ICMT: variants seen among roughly 807,000 people sequenced by gnomAD.
ICMT encodes the protein isoprenylcysteine carboxyl methyltransferase.
ICMT carries 10 observed loss-of-function variants against 32.2 expected under a neutral mutation model. That is an observed-to-expected ratio of 0.31 (90% confidence interval 0.19 to 0.53). The LOEUF (loss-of-function observed/expected upper bound fraction) is 0.53. Ranked by LOEUF, ICMT falls within the 20% of genes least tolerant of loss-of-function variation. ICMT has a pLI of 0.96. For missense variants in ICMT, 265 were observed against 356.9 expected, an observed-to-expected ratio of 0.74 and a Z score of 2.07; for synonymous variants, 183 against 158.2, an observed-to-expected ratio of 1.16 and a Z score of -1.18.
intron 2 of ICMT, among the ~76,000 whole-genome samples, chr1:6,234,074 C>G (rs896569033): frequency 6.6e-6 from 1 of 152,110 alleles, no homozygotes; most frequent in Admixed American, 6.5e-5. Context: ...GTCTCGAACT[C>G]CTGGCTTGGC....
At chr1:6,234,624 C>G in intron 2 of ICMT, 3 of 530,952 alleles carry the variant, frequency 5.7e-6, no homozygotes, top group South Asian at 1.8e-5. Flanking sequence ...TTACGGAATG[C>G]TGTCACCACA....
intron 4 of ICMT, among the ~76,000 whole-genome samples, chr1:6,228,631 C>G (rs1309161754): frequency 6.6e-6 from 1 of 151,868 alleles, no homozygotes; most frequent in African/African-American, 2.4e-5. Flanking sequence ...CATGAGCCAC[C>G]ATGCCCGGCC....
In ICMT at chr1:6,227,051, T is replaced by G. The variant is rs981589131; in HGVS notation, c.673-1789A>C. Among the ~76,000 whole-genome samples the G allele has an allele frequency of 4.9e-4, 74 of 152,248 alleles. 3 individuals carry two copies. Among genetic ancestry groups the G allele is most frequent in the Non-Finnish European group, 2.9e-5 (2 of 68,048 alleles). On this transcript the variant is annotated intron_variant, in intron 4 of 4. Coordinates refer to ENST00000343813, the MANE Select transcript of ICMT (RefSeq NM_012405.4). Reference sequence around the variant, plus strand: ...AGCCTGTTACTAAGCCATGAAATCATTTAGTACATTATGAACAGTATTGAA... The same window carrying G: ...AGCCTGTTACTAAGCCATGAAATCAGTTAGTACATTATGAACAGTATTGAA...
intron 4 of ICMT, among the ~76,000 whole-genome samples, chr1:6,226,073 T>A (rs1024333461): frequency 2.0e-5 from 3 of 152,186 alleles, no homozygotes; most frequent in African/African-American, 7.2e-5. Flanking sequence ...CAAGCTGGTC[T>A]CGAACTCCTG....
At position 6,221,335 on chromosome 1, in the gene ICMT, G is replaced by C. The variant is rs1479584089; in HGVS notation, c.*3745C>G. The C allele has an allele frequency of 6.6e-6, 1 of 152,646 alleles. No homozygotes were observed. Among genetic ancestry groups the C allele is most frequent in the Non-Finnish European group, 1.5e-5 (1 of 68,050 alleles). The allele number at this position is 152,646 out of a possible 1,614,324, so 9.5% of individuals were successfully genotyped here. A position where few individuals can be genotyped will look rare whatever the true frequency, so the allele number is the denominator to read the frequency against. On this transcript the variant is annotated 3_prime_UTR_variant, in exon 5 of 5. Transcript: ENST00000343813. ...ATTACTCCGTTCAGTTCCTCTCCTT[G>C]CAATGGGATAGGCTGCCTCTGCTGC...
In ICMT at chr1:6,235,761, GC is replaced by G; in HGVS notation, c.150del (p.Leu51SerfsTer16). ...TAGAGCAGCAGCAGCAGCGCGTTGA[GC>G]CCGGCCACGTAGAGCGCCAGCCCGG... is the stretch of plus-strand genomic sequence containing the variant. ...GRTGLALYVAGLNALLLLLYR... is the reference protein window; with the variant it reads ...GRTGLALYVAXLNALLLLLYR... On this transcript the variant is annotated frameshift_variant, in exon 1 of 5. Coordinates refer to ENST00000343813, the MANE Select transcript of ICMT (RefSeq NM_012405.4). LOFTEE classifies it high-confidence loss of function. 1 of 1,341,704 alleles carries G rather than the reference GC, an allele frequency of 7.5e-7. No homozygotes were observed. The highest frequency in any genetic ancestry group is 9.6e-7 in the Non-Finnish European group (1 of 1,036,928). 83.1% of individuals were successfully genotyped at this position (1,341,704 alleles called of 1,614,324 possible). A position where few individuals can be genotyped will look rare whatever the true frequency, so the allele number is the denominator to read the frequency against.
chr1:6,235,756 G>A lies in ICMT; in HGVS notation c.156C>T (p.Asn52=). ...GCCGATAGAGCAGCAGCAGCAGCGC[G>A]TTGAGCCCGGCCACGTAGAGCGCCA... The part of the protein sequence containing the change: ...TGLALYVAGL[N]ALLLLLYRPP... Residue 52 remains asparagine, a synonymous_variant, in exon 1 of 5, where the codon AAC becomes AAT. Transcript: ENST00000343813. 1 of 1,339,270 alleles carries A rather than the reference G, an allele frequency of 7.5e-7. No homozygotes were observed. The highest frequency in any genetic ancestry group is 9.7e-7 in the Non-Finnish European group (1 of 1,035,764). The allele number at this position is 1,339,270 out of a possible 1,614,324, so 83.0% of individuals were successfully genotyped here.
chr1:6,235,602 G>A (rs1668810595), intron 1 of ICMT, 115 bp downstream of exon 1: 2 of 674,290 alleles, frequency 3.0e-6, no homozygotes, highest in Non-Finnish European at 3.9e-6. Context: ...ACTCGCGGAT[G>A]AAGAGCGCGC....
chr1:6,235,926 G>T lies in ICMT; in HGVS notation c.-15C>A, dbSNP rs1413342828. On this transcript the variant is annotated 5_prime_UTR_variant, in exon 1 of 5. Transcript: ENST00000343813. Reference sequence around the variant, plus strand: ...CAGCCCGCCATGGCGCCGGGCGGCGGACTAGCGGGCGGCGGCGCCGGCTGT... The same window carrying T: ...CAGCCCGCCATGGCGCCGGGCGGCGTACTAGCGGGCGGCGGCGCCGGCTGT... 1 of 1,106,500 alleles carries T rather than the reference G, an allele frequency of 9.0e-7. No homozygotes were observed. Among genetic ancestry groups the T allele is most frequent in the Non-Finnish European group, 1.1e-6 (1 of 908,190 alleles). 68.5% of individuals were successfully genotyped at this position (1,106,500 alleles called of 1,614,324 possible).
At chr1:6,232,270 A>G (rs146178999) in intron 3 of ICMT, 151 bp from the exon 4 acceptor site, 6 of 603,964 alleles carry the variant, frequency 9.9e-6, no homozygotes, top group Middle Eastern at 4.4e-4. Flanking sequence ...TTAAAATTTC[A>G]TAAGAAAACA....
chr1:6,234,790 C>T, intron 2 of ICMT, 96 bp downstream of exon 2: 2 of 927,558 alleles, frequency 2.2e-6, no homozygotes, highest in South Asian at 2.7e-5. Context: ...AGCCTTCTGC[C>T]GGTCACAGAT....
chr1:6,222,057 T>G lies in ICMT; in HGVS notation c.*3023A>C, dbSNP rs1420727096. The G allele has an allele frequency of 1.3e-5, 2 of 152,236 alleles. No homozygotes were observed. Among genetic ancestry groups the G allele is most frequent in the African/African-American group, 2.4e-5 (1 of 41,460 alleles). 9.4% of individuals were successfully genotyped at this position (152,236 alleles called of 1,614,324 possible). A position where few individuals can be genotyped will look rare whatever the true frequency, so the allele number is the denominator to read the frequency against. On this transcript the variant is annotated 3_prime_UTR_variant, in exon 5 of 5. Transcript: ENST00000343813. Reference sequence around the variant, plus strand: ...ACGGGCCCTGCCACTGCTAAATTTATAAAGCTAAAAATAATCTCAAGATCA... The same window carrying G: ...ACGGGCCCTGCCACTGCTAAATTTAGAAAGCTAAAAATAATCTCAAGATCA...
In ICMT at chr1:6,235,698, G is replaced by A; in HGVS notation, c.195+19C>T. On this transcript the variant is annotated intron_variant, in intron 1 of 4. Transcript: ENST00000343813. ...GCCGCCCGCCCCGCCGGCCCCCGCC[G>A]GCCCCCGCCGGCCTGCACCTGGTAG... The A allele has an allele frequency of 1.7e-6, 2 of 1,174,264 alleles. No homozygotes were observed. Among genetic ancestry groups the A allele is most frequent in the South Asian group, 3.6e-5 (1 of 27,756 alleles). The allele number at this position is 1,174,264 out of a possible 1,614,324, so 72.7% of individuals were successfully genotyped here. A position where few individuals can be genotyped will look rare whatever the true frequency, so the allele number is the denominator to read the frequency against.
In ICMT at chr1:6,235,868, C is replaced by T. The variant is rs1668818841; in HGVS notation, c.44G>A (p.Arg15His). The T allele has an allele frequency of 1.7e-6, 2 of 1,208,216 alleles. No homozygotes were observed. Among genetic ancestry groups the T allele is most frequent in the Non-Finnish European group, 1.0e-6 (1 of 968,830 alleles). The allele number at this position is 1,208,216 out of a possible 1,614,324, so 74.8% of individuals were successfully genotyped here. A position where few individuals can be genotyped will look rare whatever the true frequency, so the allele number is the denominator to read the frequency against. ...AARAPPGSEA[R>H]LSLATFLLGA... ...CAGCAGGAAGGTGGCGAGGCTGAGA[C>T]GCGCCTCAGAGCCCGGCGGAGCCCG... The change falls in exon 1 of 5, where the codon CGT (arginine) becomes CAT (histidine). Residue 15 changes from arginine (R) to histidine (H), a missense_variant. Arg to His is a conservative substitution (Grantham distance 29). This residue lies in a region of ICMT where 99 missense variants were observed against 92.6 expected (regional missense o/e 1.07). Coordinates refer to ENST00000343813, the MANE Select transcript of ICMT (RefSeq NM_012405.4).
At chr1:6,231,636 A>G (rs1197265090) in intron 4 of ICMT, among the ~76,000 whole-genome samples, 1 of 152,172 alleles carries the variant, frequency 6.6e-6, no homozygotes, top group African/African-American at 2.4e-5. Flanking sequence ...AAGAATCACC[A>G]AGGACTTACG....
intron 4 of ICMT, among the ~76,000 whole-genome samples, chr1:6,226,533 A>C (rs1668648132): frequency 6.6e-6 from 1 of 152,010 alleles, no homozygotes; most frequent in Non-Finnish European, 1.5e-5. Context: ...TCCCCAACAT[A>C]CATTTTCTGT....
chr1:6,229,167 G>A (rs1306161732), intron 4 of ICMT, among the ~76,000 whole-genome samples: 1 of 152,080 alleles, frequency 6.6e-6, no homozygotes, highest in Admixed American at 6.6e-5. Context: ...GAAAAACCCC[G>A]TCTCTACAAA....
chr1:6,231,170 CA>C (rs779403125), intron 4 of ICMT, among the ~76,000 whole-genome samples: 156 of 132,434 alleles, frequency 1.2e-3, no homozygotes, highest in Non-Finnish European at 1.1e-3. Flanking sequence ...GACTAGGTCT[CA>C]AAAAAAAAAA....
Position 6,234,913 on chromosome 1 carries a change from C to T in ICMT, c.257G>A (p.Ser86Asn). ...VFGCGTLLSF[S>N]QSSWSHFGWY... Reference sequence around the variant, plus strand: ...GCCAAAGTGACTCCAAGAAGACTGGCTAAAACTTAGCAGCGTGCCGCAGCC... The same window carrying T: ...GCCAAAGTGACTCCAAGAAGACTGGTTAAAACTTAGCAGCGTGCCGCAGCC... The change falls in exon 2 of 5, where the codon AGC becomes AAC. Residue 86 changes from serine (S) to asparagine (N), a missense_variant. Around this residue, in one of 2 missense-constraint regions of ICMT, gnomAD observed 166 missense variants for 264.3 expected, o/e 0.63. Transcript: ENST00000343813. 1 of 1,614,024 alleles carries T rather than the reference C, an allele frequency of 6.2e-7. No individual in the cohort carries two copies. The highest frequency in any genetic ancestry group is 2.2e-5 in the East Asian group (1 of 44,878).
Sources: gnomAD v4.1 joint callset for allele counts (sites outside exome capture counted in the v4.1 genomes callset) on GRCh38, gnomAD v4.1.1 for gene constraint, gnomAD v4.1.1 regional missense constraint, MANE v1.5 for transcripts, NCBI Gene and HGNC (gene_info 2026-07-23, HGNC 2026-07-21) for gene names.